The following RNF212B variants were observed in gnomAD, a reference collection of about 807,000 sequenced individuals.
The protein encoded by RNF212B is E3 ubiquitin-protein ligase RNF212B.
RNF212B carries 52 observed loss-of-function variants against 55.5 expected under a neutral mutation model. The ratio of observed to expected loss-of-function variants is 0.94; its 90% CI spans 0.75 to 1.18. RNF212B has a LOEUF of 1.18. RNF212B is among the 50% of genes most tolerant of loss of function. RNF212B has a pLI of 0.00. For missense variants in RNF212B, 289 were observed against 350.4 expected (o/e 0.82, Z 1.40); for synonymous variants, 99 against 121.4 (o/e 0.82, Z 1.21).
chr14:23,186,913 T>C (rs2331938), intron 1 of RNF212B, among the ~76,000 whole-genome samples: 149,733 of 152,324 alleles, frequency 0.98, 73,629 homozygotes, highest in East Asian at 1. Flanking sequence ...AAAGCCTCAA[T>C]TTCTTTCACC....
At chr14:23,222,438 GA>G (rs1314828022) in intron 2 of RNF212B, among the ~76,000 whole-genome samples, 4 of 151,986 alleles carry the variant, frequency 2.6e-5, no homozygotes, top group Admixed American at 6.6e-5. Context: ...GAACTATGAA[GA>G]AAACCAAAAC....
chr14:23,236,952 T>G (rs1883146727), upstream of RNF212B, among the ~76,000 whole-genome samples: 1 of 146,890 alleles, frequency 6.8e-6, no homozygotes, highest in African/African-American at 2.6e-5. Context: ...AATCTTATTC[T>G]GTCTCTCTCT....
At position 23,202,056 on chromosome 14, in the gene RNF212B, G is replaced by A. The variant is rs931474752; in HGVS notation, c.-2+8655G>A. ...GCTTGAGGTCCGGAGTTCGAGACCA[G>A]CTTGACCAACATGGTGAAACCCTAT... On this transcript the variant is annotated intron_variant, in intron 2 of 15. Transcript: ENST00000399910. Among the ~76,000 whole-genome samples the A allele has an allele frequency of 2.6e-5, 4 of 152,098 alleles. No homozygotes were observed. The East Asian group carries it at 7.7e-4, about 29-fold the overall frequency.
intron 4 of RNF212B, among the ~76,000 whole-genome samples, chr14:23,251,822 A>AAAAG (rs965028301): frequency 6.6e-6 from 1 of 151,778 alleles, no homozygotes; most frequent in African/African-American, 2.4e-5. Context: ...CTCAAAAAAA[A>AAAAG]AAAGAAAGAA....
rs539061233 is a variant in RNF212B at position 23,242,512 on chromosome 14, A to G, written c.101-744A>G. Among the ~76,000 whole-genome samples the G allele has an allele frequency of 5.3e-4, 81 of 152,360 alleles. 1 individual carries two copies. In the South Asian group the frequency reaches 0.017, roughly 32 times the overall value. The stretch of plus-strand genomic sequence containing the variant: ...ACTGGGGACTTTCTTACAGTGCCCA[A>G]TGTGTGCCTGCTGTCAGGTCAATAG... On this transcript the variant is annotated intron_variant, in intron 2 of 14. Transcript: ENST00000430154.
rs867511179 is a variant in RNF212B at position 23,223,650 on chromosome 14, C to T, written c.-1-16695C>T. On this transcript the variant is annotated intron_variant, in intron 2 of 15. Transcript: ENST00000399910. Reference sequence around the variant, plus strand: ...GATTACAGGCGTGAGCCACCGCGCCCGGCCAAGCCTTTCTTTTCAGATCTG... The same window carrying T: ...GATTACAGGCGTGAGCCACCGCGCCTGGCCAAGCCTTTCTTTTCAGATCTG... Among the ~76,000 whole-genome samples the T allele has an allele frequency of 9.8e-5, 15 of 152,296 alleles. No individual in the cohort carries two copies. The Middle Eastern group carries it at 0.01, about 104-fold the overall frequency.
At chr14:23,247,394 G>C (rs1022300505) in intron 4 of RNF212B, among the ~76,000 whole-genome samples, 2 of 152,010 alleles carry the variant, frequency 1.3e-5, no homozygotes, top group African/African-American at 4.8e-5. Flanking sequence ...GTACTTATCG[G>C]CAGGCACTTC....
chr14:23,208,776 T>TTTTTTTTTTTTTA (rs71119003), intron 2 of RNF212B, among the ~76,000 whole-genome samples: 3 of 143,620 alleles, frequency 2.1e-5, no homozygotes, highest in African/African-American at 8.3e-5. Context: ...TTTTTTTTTT[T>TTTTTTTTTTTTTA]GAGACGGAGT....
chr14:23,272,803 C>T lies in RNF212B; in HGVS notation c.835-20C>T, dbSNP rs1197648359. On this transcript the variant is annotated intron_variant, in intron 14 of 14. Coordinates refer to ENST00000430154, the MANE Select transcript of RNF212B (RefSeq NM_001282322.3). The stretch of plus-strand genomic sequence containing the variant: ...TGCTGTTATAAACACCCACATCTAC[C>T]TTCTTGTCCTCTGCTGCAGACTCTC... 6.5e-7 allele frequency: 1 copy of T among 1,533,514 alleles called. No homozygotes were observed. The highest frequency in any genetic ancestry group is 1.2e-5 in the South Asian group (1 of 83,718). 95.0% of individuals were successfully genotyped at this position (1,533,514 alleles called of 1,614,324 possible).
intron 2 of RNF212B, among the ~76,000 whole-genome samples, chr14:23,215,942 C>A (rs78188920): frequency 0.013 from 1,920 of 152,298 alleles, 38 homozygotes; most frequent in African/African-American, 0.042. Flanking sequence ...AATGTAATCT[C>A]TAGAGCAACC....
chr14:23,243,755 A>C (rs1883788702), intron 3 of RNF212B, among the ~76,000 whole-genome samples: 1 of 149,862 alleles, frequency 6.7e-6, no homozygotes, highest in Non-Finnish European at 1.5e-5. Flanking sequence ...CAAAGAAACA[A>C]ACTTGCAGAT....
chr14:23,212,058 C>T (rs1012675836), intron 2 of RNF212B, among the ~76,000 whole-genome samples: 1 of 152,118 alleles, frequency 6.6e-6, no homozygotes, highest in Non-Finnish European at 1.5e-5. Context: ...ACAGATACAG[C>T]AAAAGCATTT....
chr14:23,260,781 G>T, intron 7 of RNF212B, 94 bp downstream of exon 7: 1 of 1,159,898 alleles, frequency 8.6e-7, no homozygotes, highest in South Asian at 1.4e-5. Context: ...GAGAGAAAAT[G>T]GTTAATGAAT....
At chr14:23,190,039 A>G (rs2140354221) in intron 1 of RNF212B, among the ~76,000 whole-genome samples, 1 of 152,090 alleles carries the variant, frequency 6.6e-6, no homozygotes, top group Non-Finnish European at 1.5e-5. Context: ...CTCAGTCTTT[A>G]TCTTATTGAT....
intron 6 of RNF212B, among the ~76,000 whole-genome samples, chr14:23,260,393 TC>T (rs1423018751): frequency 6.6e-6 from 1 of 152,246 alleles, no homozygotes; most frequent in Non-Finnish European, 1.5e-5. Context: ...TGTGTCATTT[TC>T]CTTTCTCTCA....
chr14:23,254,202 T>G (rs71413975), intron 4 of RNF212B, among the ~76,000 whole-genome samples: 23,539 of 151,250 alleles, frequency 0.16, 1,908 homozygotes, highest in Non-Finnish European at 0.18. Context: ...GGAGGATCAC[T>G]TGAGTCCAGG....
At chr14:23,213,088 A>G (rs976288963) in intron 2 of RNF212B, among the ~76,000 whole-genome samples, 3 of 151,984 alleles carry the variant, frequency 2.0e-5, no homozygotes, top group Non-Finnish European at 4.4e-5. Context: ...CGAGGTGGGC[A>G]TATCACAAGG....
At chr14:23,250,508 A>T (rs1244002872) in intron 4 of RNF212B, among the ~76,000 whole-genome samples, 6 of 151,640 alleles carry the variant, frequency 4.0e-5, no homozygotes. Context: ...GACTGAATTA[A>T]TAATTACCTC....
chr14:23,268,751 A>C (rs567560518), intron 11 of RNF212B, among the ~76,000 whole-genome samples, 173 bp from the exon 12 acceptor site: 5 of 152,352 alleles, frequency 3.3e-5, no homozygotes, highest in Admixed American at 6.5e-5. Context: ...GAAAGCACCT[A>C]TAAGAGATAC....
Sources: gnomAD v4.1 joint callset for allele counts (sites outside exome capture counted in the v4.1 genomes callset) on GRCh38, gnomAD v4.1.1 for gene constraint, MANE v1.5 for transcripts, NCBI Gene and HGNC (gene_info 2026-07-23, HGNC 2026-07-21) for gene names.